The following THRB variants were observed in gnomAD, a reference collection of about 807,000 sequenced individuals.
THRB encodes the protein nuclear receptor subfamily 1 group A member 2.
THRB carries 12 observed loss-of-function variants against 47.8 expected under a neutral mutation model. That is an observed-to-expected ratio of 0.25 (90% CI 0.16 to 0.41). The LOEUF (loss-of-function observed/expected upper bound fraction) is 0.41. Among genes scored for constraint, THRB ranks in the 10% least tolerant of loss-of-function variants. The pLI is 1.00. For synonymous variants in THRB, 218 were observed against 212.2 expected (o/e 1.03, Z -0.24); for missense variants, 348 against 589.2 (o/e 0.59, Z 4.24).
intron 5 of THRB, among the ~76,000 whole-genome samples, chr3:24,163,370 A>G (rs181924194): frequency 6.6e-5 from 10 of 152,294 alleles, no homozygotes; most frequent in Admixed American, 6.5e-4. Flanking sequence ...CATCAAATTA[A>G]TTAATAAAGA....
chr3:24,242,979 C>A lies in THRB; in HGVS notation c.-42-13978G>T, dbSNP rs546659673. On this transcript the variant is annotated intron_variant, in intron 3 of 10. Coordinates refer to ENST00000646209, the MANE Select transcript of THRB (RefSeq NM_001354712.2). ...TCATCTGTGGGGTTTTGTTTCCTAGCTGCAAAGTCAAATCAGGGGGACTAC... is the reference window on the plus strand; with the variant it reads ...TCATCTGTGGGGTTTTGTTTCCTAGATGCAAAGTCAAATCAGGGGGACTAC... Among the ~76,000 whole-genome samples the A allele has an allele frequency of 7.3e-5, 11 of 150,260 alleles. No individual in the cohort carries two copies. The East Asian group carries it at 1.6e-3, about 22-fold the overall frequency.
At chr3:24,272,393 C>CA (rs928625563) in intron 3 of THRB, among the ~76,000 whole-genome samples, 1 of 150,974 alleles carries the variant, frequency 6.6e-6, no homozygotes, top group Non-Finnish European at 1.5e-5. Context: ...AACAAACAAA[C>CA]AAAAAAACCA....
At chr3:24,136,339 T>C (rs1338544781) in intron 8 of THRB, among the ~76,000 whole-genome samples, 1 of 152,196 alleles carries the variant, frequency 6.6e-6, no homozygotes, top group Non-Finnish European at 1.5e-5. Context: ...TAAGATTTTT[T>C]TCCATAATGG....
chr3:24,356,224 T>C (rs2063663190), intron 1 of THRB, among the ~76,000 whole-genome samples: 1 of 152,138 alleles, frequency 6.6e-6, no homozygotes. Context: ...GGTTTGATGC[T>C]CTGCCCTTCT....
intron 3 of THRB, among the ~76,000 whole-genome samples, chr3:24,242,580 A>G (rs2049654887): frequency 6.6e-6 from 1 of 152,196 alleles, no homozygotes; most frequent in Admixed American, 6.5e-5. Flanking sequence ...GGGCAAGGAC[A>G]GTTAAACCTT....
intron 1 of THRB, among the ~76,000 whole-genome samples, chr3:24,467,358 G>A (rs1013877932): frequency 1.3e-5 from 2 of 152,130 alleles, no homozygotes; most frequent in Non-Finnish European, 1.5e-5. Context: ...TGTTAATGTT[G>A]ATATTTTGAC....
chr3:24,323,087 A>C (rs2058587978), intron 2 of THRB, among the ~76,000 whole-genome samples: 1 of 152,204 alleles, frequency 6.6e-6, no homozygotes, highest in Non-Finnish European at 1.5e-5. Context: ...ATTGGTGTTT[A>C]GGGTTTCCAT....
chr3:24,439,016 T>C (rs1056408735), intron 1 of THRB, among the ~76,000 whole-genome samples: 2 of 152,110 alleles, frequency 1.3e-5, no homozygotes, highest in African/African-American at 4.8e-5. Flanking sequence ...TTTAGAAGTC[T>C]AGTCTGATCC....
chr3:24,458,805 T>C (rs568905777), intron 1 of THRB: 27 of 152,178 alleles, frequency 1.8e-4, no homozygotes, highest in Admixed American at 3.3e-4. Context: ...GAAAAGATAA[T>C]ACTTAGCTAA....
chr3:24,284,568 A>G lies in THRB; in HGVS notation c.-43+12658T>C, dbSNP rs540442248. On this transcript the variant is annotated intron_variant, in intron 3 of 10. Coordinates refer to ENST00000646209, the MANE Select transcript of THRB (RefSeq NM_001354712.2). ...ACCAAAAGCAATGTCAACAAAAGCCAAAATTGACAAATGGGATCTAATTAA... is the reference window on the plus strand; with the variant it reads ...ACCAAAAGCAATGTCAACAAAAGCCGAAATTGACAAATGGGATCTAATTAA... Among the ~76,000 whole-genome samples, 832 of 151,522 alleles carry G rather than the reference A, an allele frequency of 5.5e-3. 14 individuals carry two copies. Among genetic ancestry groups the G allele is most frequent in the African/African-American group, 0.018 (749 of 40,772 alleles).
chr3:24,451,315 C>T (rs1577667205), intron 1 of THRB, among the ~76,000 whole-genome samples: 1 of 146,054 alleles, frequency 6.8e-6, no homozygotes, highest in Non-Finnish European at 1.5e-5. Context: ...CTCACTGCAA[C>T]CTCTGTCTCC....
chr3:24,168,131 G>A (rs1398572648), intron 5 of THRB, among the ~76,000 whole-genome samples: 1 of 152,138 alleles, frequency 6.6e-6, no homozygotes, highest in Non-Finnish European at 1.5e-5. Flanking sequence ...CTCATACCAA[G>A]TGGGAATACT....
intron 1 of THRB, among the ~76,000 whole-genome samples, chr3:24,374,166 C>T (rs1181054786): frequency 2.0e-5 from 3 of 152,016 alleles, no homozygotes; most frequent in Non-Finnish European, 4.4e-5. Context: ...AGAAAAGAGA[C>T]GTACAGGGAA....
intron 5 of THRB, 97 bp downstream of exon 5, chr3:24,189,977 C>T: frequency 8.2e-7 from 1 of 1,215,164 alleles, no homozygotes. Context: ...GGACACCATA[C>T]ATTGGAAGAG....
intron 4 of THRB, among the ~76,000 whole-genome samples, chr3:24,210,555 C>T (rs368797271): frequency 6.6e-6 from 1 of 152,062 alleles, no homozygotes. Context: ...ACACGACAGC[C>T]CCCACAACAA....
intron 2 of THRB, among the ~76,000 whole-genome samples, chr3:24,322,710 T>C (rs545292077): frequency 6.6e-6 from 1 of 152,350 alleles, no homozygotes; most frequent in East Asian, 1.9e-4. Context: ...ATTGTTATTA[T>C]CAAGGCAATG....
chr3:24,298,807 T>A (rs1410564408), intron 2 of THRB, among the ~76,000 whole-genome samples: 1 of 152,174 alleles, frequency 6.6e-6, no homozygotes, highest in Non-Finnish European at 1.5e-5. Context: ...CTGTAAGAAA[T>A]CAGCATGAAA....
At chr3:24,457,614 T>C (rs2073309253) in intron 1 of THRB, among the ~76,000 whole-genome samples, 1 of 152,196 alleles carries the variant, frequency 6.6e-6, no homozygotes, top group South Asian at 2.1e-4. Context: ...TAAAGAACAT[T>C]GCTGAAAATA....
intron 1 of THRB, among the ~76,000 whole-genome samples, chr3:24,428,615 G>T (rs1358755620): frequency 6.6e-6 from 1 of 152,000 alleles, no homozygotes; most frequent in Non-Finnish European, 1.5e-5. Flanking sequence ...TAAAGCAGGA[G>T]CAAAAGATGA....
Sources: allele counts gnomAD v4.1 joint callset (sites outside exome capture counted in the v4.1 genomes callset), GRCh38; gene constraint gnomAD v4.1.1; transcripts MANE v1.5; gene names NCBI Gene and HGNC (gene_info 2026-07-23, HGNC 2026-07-21).